DEUP1: variants seen among roughly 807,000 people sequenced by gnomAD.
DEUP1 encodes deuterosome assembly protein 1.
Under a neutral mutation model 87.4 loss-of-function variants are expected in DEUP1, and 82 were observed. The ratio of observed to expected loss-of-function variants is 0.94; its 90% CI spans 0.78 to 1.13. The LOEUF is 1.13. Ranked by LOEUF, DEUP1 falls within the 50% of genes most tolerant of loss-of-function variation. DEUP1 has a pLI of 0.00. For synonymous variants in DEUP1, 214 were observed against 222.7 expected (o/e 0.96, Z 0.35); for missense variants, 663 against 681.5 (o/e 0.97, Z 0.30).
At position 93,408,324 on chromosome 11, in the gene DEUP1, C is replaced by T. The variant is rs376797714; in HGVS notation, c.1420C>T (p.Leu474Phe). 1.9e-6 allele frequency: 3 copies of T among 1,578,582 alleles called. No individual in the cohort carries two copies. The highest frequency in any genetic ancestry group is 2.7e-5 in the African/African-American group (2 of 74,222). The stretch of plus-strand genomic sequence containing the variant: ...AAGGCTCCGAAATGATCTTGCAAAA[C>T]TTCATGTCAATGGAAAATCAACCTG... ...NERLRNDLAK[L>F]HVNGKSTWTN... The change falls in exon 12 of 14, where the codon CTT (leucine) becomes TTT (phenylalanine). Residue 474 changes from leucine (L) to phenylalanine (F), a missense_variant. Physicochemically the swap from Leu to Phe is conservative, Grantham distance 22 (BLOSUM62 0). Transcript: ENST00000298050.
intron 4 of DEUP1, 29 bp from the exon 5 acceptor site, chr11:93,364,131 A>C (rs934407588): frequency 7.4e-6 from 11 of 1,480,444 alleles, no homozygotes; most frequent in Non-Finnish European, 1.0e-5. Context: ...TGGTAATAGT[A>C]AAATGTTAAC....
intron 13 of DEUP1, among the ~76,000 whole-genome samples, chr11:93,427,734 A>C (rs1947969797): frequency 6.7e-6 from 1 of 150,196 alleles, no homozygotes; most frequent in South Asian, 2.1e-4. Flanking sequence ...CATCTGACAA[A>C]GGGCTAATAT....
chr11:93,407,957 A>T (rs1032698377), intron 11 of DEUP1, among the ~76,000 whole-genome samples: 1 of 152,044 alleles, frequency 6.6e-6, no homozygotes, highest in African/African-American at 2.4e-5. Flanking sequence ...GTTTTGGGGC[A>T]TGAGCAATAT....
At chr11:93,375,824 C>T (rs1331304341) in intron 7 of DEUP1, among the ~76,000 whole-genome samples, 4 of 152,186 alleles carry the variant, frequency 2.6e-5, no homozygotes. Context: ...AGGATTCCCT[C>T]TTTCTCTATC....
At chr11:93,334,227 A>G (rs1196678305) in intron 2 of DEUP1, among the ~76,000 whole-genome samples, 1 of 152,166 alleles carries the variant, frequency 6.6e-6, no homozygotes, top group Non-Finnish European at 1.5e-5. Flanking sequence ...AGTTATGTAT[A>G]AATCTAGATC....
chr11:93,435,542 C>T (rs1384024893), intron 13 of DEUP1, among the ~76,000 whole-genome samples: 8 of 152,138 alleles, frequency 5.3e-5, no homozygotes, highest in Admixed American at 1.3e-4. Flanking sequence ...ACAGCTTTCC[C>T]GATGAAACTT....
intron 4 of DEUP1, among the ~76,000 whole-genome samples, chr11:93,363,626 A>G (rs1945281179): frequency 6.6e-6 from 1 of 151,908 alleles, no homozygotes; most frequent in Non-Finnish European, 1.5e-5. Flanking sequence ...AAAATAATAC[A>G]ATGTTATAAA....
chr11:93,405,489 C>A (rs1211674831), intron 11 of DEUP1, among the ~76,000 whole-genome samples: 1 of 151,948 alleles, frequency 6.6e-6, no homozygotes, highest in African/African-American at 2.4e-5. Context: ...AAGCATATAA[C>A]CTTCCCTGTA....
intron 4 of DEUP1, among the ~76,000 whole-genome samples, chr11:93,362,012 C>T (rs1945198518): frequency 6.6e-6 from 1 of 151,916 alleles, no homozygotes; most frequent in Non-Finnish European, 1.5e-5. Flanking sequence ...AGGATATCCA[C>T]ATGCAAAGGA....
At chr11:93,427,816 G>T (rs1169654907) in intron 13 of DEUP1, among the ~76,000 whole-genome samples, 2 of 140,712 alleles carry the variant, frequency 1.4e-5, no homozygotes, top group African/African-American at 5.3e-5. Flanking sequence ...GTCGGCGAAG[G>T]TCATGAACAG....
chr11:93,394,954 CTGAG>C (rs139163481), intron 10 of DEUP1, among the ~76,000 whole-genome samples: 25,166 of 151,970 alleles, frequency 0.17, 2,242 homozygotes, highest in Non-Finnish European at 0.21. Context: ...ATATTTCTTC[CTGAG>C]TATGTTTTTC....
chr11:93,334,955 C>G (rs968128227), intron 2 of DEUP1, among the ~76,000 whole-genome samples: 2 of 151,734 alleles, frequency 1.3e-5, no homozygotes, highest in Admixed American at 6.6e-5. Flanking sequence ...ACTAGTTTTC[C>G]CTTTTATGGT....
intron 13 of DEUP1, among the ~76,000 whole-genome samples, chr11:93,419,201 A>C (rs1947776245): frequency 6.6e-6 from 1 of 151,786 alleles, no homozygotes; most frequent in Non-Finnish European, 1.5e-5. Flanking sequence ...AAAAAAAGAC[A>C]GAACTGTGGC....
intron 9 of DEUP1, among the ~76,000 whole-genome samples, chr11:93,393,067 TTCTTCTTCTCTTCCTCCTTC>T (rs1946820693): frequency 7.1e-6 from 1 of 140,202 alleles, no homozygotes; most frequent in African/African-American, 2.9e-5. Context: ...CTCCTCCTCC[TTCTTCTTCTCTTCCTCCTTC>T]TTTTTTTTTT....
chr11:93,402,323 T>A (rs1445750700), intron 11 of DEUP1, among the ~76,000 whole-genome samples: 2 of 152,004 alleles, frequency 1.3e-5, no homozygotes, highest in African/African-American at 4.8e-5. Context: ...ACATTCCAGT[T>A]AAAATGACTT....
chr11:93,396,387 C>A, intron 11 of DEUP1, 62 bp downstream of exon 11: 1 of 1,011,242 alleles, frequency 9.9e-7, no homozygotes, highest in Non-Finnish European at 1.5e-6. Flanking sequence ...TCACGATTAA[C>A]CTAGACATCA....
At chr11:93,382,938 T>C (rs1260115986) in intron 7 of DEUP1, among the ~76,000 whole-genome samples, 1 of 152,214 alleles carries the variant, frequency 6.6e-6, no homozygotes, top group Non-Finnish European at 1.5e-5. Flanking sequence ...TTTATATTTA[T>C]TTCCAAGGTG....
intron 8 of DEUP1, among the ~76,000 whole-genome samples, chr11:93,388,027 T>C (rs1385672380): frequency 2.6e-5 from 4 of 152,154 alleles, no homozygotes; most frequent in Non-Finnish European, 1.5e-5. Flanking sequence ...TACTTTGTTA[T>C]CCACAGTTAA....
rs182607801 is a variant in DEUP1, at chr11:93,405,418, A to C, written c.1327-2813A>C. ...GAAATCCTAAAGGCAGAGCTTAATA[A>C]GCAGAGAAATACCTTCAATGGCCTT... On this transcript the variant is annotated intron_variant, in intron 11 of 13. Coordinates refer to ENST00000298050, the MANE Select transcript of DEUP1 (RefSeq NM_181645.4). Among the ~76,000 whole-genome samples the C allele has an allele frequency of 3.2e-3, 481 of 152,140 alleles. 3 individuals carry two copies. Among genetic ancestry groups the C allele is most frequent in the African/African-American group, 0.011 (461 of 41,576 alleles).
Sources: allele counts gnomAD v4.1 joint callset (sites outside exome capture counted in the v4.1 genomes callset), GRCh38; gene constraint gnomAD v4.1.1; transcripts MANE v1.5; gene names NCBI Gene and HGNC (gene_info 2026-07-23, HGNC 2026-07-21).